Variants in FOXJ3 observed in about 807,000 individuals in gnomAD.
FOXJ3 encodes the protein forkhead box J3, also known as forkhead box protein J3.
Under a neutral mutation model 76.1 loss-of-function variants are expected in FOXJ3, and 22 were observed. The ratio of observed to expected loss-of-function variants is 0.29; its 90% CI spans 0.21 to 0.41. FOXJ3 has a LOEUF of 0.41. Ranked by LOEUF, FOXJ3 falls within the 10% of genes least tolerant of loss-of-function variation. The pLI, the probability that FOXJ3 is intolerant of heterozygous loss-of-function variation, is 1.00. For synonymous variants in FOXJ3, 269 were observed against 261.2 expected (o/e 1.03, Z -0.29); for missense variants, 613 against 762.1 (o/e 0.80, Z 2.30).
chr1:42,211,810 A>C (rs969803610), intron 5 of FOXJ3, among the ~76,000 whole-genome samples: 3 of 152,186 alleles, frequency 2.0e-5, no homozygotes, highest in Middle Eastern at 3.2e-3. Flanking sequence ...AAACTCATAT[A>C]GAGTTTTCAC....
chr1:42,309,789 A>C (rs933506012), intron 2 of FOXJ3, among the ~76,000 whole-genome samples: 3 of 152,172 alleles, frequency 2.0e-5, no homozygotes, highest in Non-Finnish European at 2.9e-5. Flanking sequence ...ATTATTTTTC[A>C]CTCTGGGAAC....
intron 4 of FOXJ3, among the ~76,000 whole-genome samples, chr1:42,229,048 A>G (rs920600630): frequency 5.9e-5 from 9 of 152,146 alleles, no homozygotes; most frequent in African/African-American, 2.2e-4. Flanking sequence ...TTTCTTGAAC[A>G]TACCATGTTG....
rs1378218341 is a variant in FOXJ3, at chr1:42,237,416, ATATATAT to A, written c.445-9457_445-9451del. On this transcript the variant is annotated intron_variant, in intron 4 of 12. Transcript: ENST00000361346. ...TACATACATACATACATATATATAT[ATATATAT>A]ATATACATACATACATATATATATA... Among the ~76,000 whole-genome samples, 12 of 146,834 alleles carry A rather than the reference ATATATAT, an allele frequency of 8.2e-5. No individual in the cohort carries two copies. In the East Asian group the frequency reaches 2.2e-3, roughly 26 times the overall value.
At chr1:42,326,167 C>A (rs541129211) in intron 1 of FOXJ3, among the ~76,000 whole-genome samples, 22 of 152,262 alleles carry the variant, frequency 1.4e-4, no homozygotes, top group African/African-American at 5.1e-4. Flanking sequence ...AGGAGAATCA[C>A]TTGAACCCAG....
chr1:42,271,922 GCATGAGC>G (rs1651894353), intron 3 of FOXJ3, among the ~76,000 whole-genome samples: 1 of 152,178 alleles, frequency 6.6e-6, no homozygotes, highest in African/African-American at 2.4e-5. Flanking sequence ...GGGATTATAG[GCATGAGC>G]CATGAGCCCC....
chr1:42,238,465 G>C (rs1648875506), intron 4 of FOXJ3, among the ~76,000 whole-genome samples: 1 of 152,180 alleles, frequency 6.6e-6, no homozygotes, highest in Non-Finnish European at 1.5e-5. Flanking sequence ...CCCAACTTCA[G>C]TTTTTTCCAA....
At chr1:42,186,848 T>C (rs1354263011) in intron 11 of FOXJ3, among the ~76,000 whole-genome samples, 1 of 151,764 alleles carries the variant, frequency 6.6e-6, no homozygotes, top group East Asian at 1.9e-4. Flanking sequence ...GAGATTGCCT[T>C]CTTCTTCTTC....
chr1:42,242,566 CAAA>C (rs67533279), intron 4 of FOXJ3, among the ~76,000 whole-genome samples: 73 of 139,726 alleles, frequency 5.2e-4, no homozygotes, highest in Non-Finnish European at 5.4e-4. Context: ...TCAATAAGAC[CAAA>C]AAAAAAAAAA....
At chr1:42,273,520 A>G (rs1402996438) in intron 3 of FOXJ3, among the ~76,000 whole-genome samples, 1 of 151,796 alleles carries the variant, frequency 6.6e-6, no homozygotes, top group Non-Finnish European at 1.5e-5. Context: ...CTAAAAATAC[A>G]AAAAAATAGC....
At chr1:42,303,810 T>A (rs182910676) in intron 2 of FOXJ3, among the ~76,000 whole-genome samples, 1 of 152,278 alleles carries the variant, frequency 6.6e-6, no homozygotes, top group Admixed American at 6.5e-5. Flanking sequence ...ATAAACCCTC[T>A]AATAAATGTT....
intron 3 of FOXJ3, among the ~76,000 whole-genome samples, chr1:42,271,225 G>T (rs951623857): frequency 6.6e-6 from 1 of 152,006 alleles, no homozygotes; most frequent in Non-Finnish European, 1.5e-5. Flanking sequence ...TTTTCTGTGT[G>T]ATCACATTAT....
intron 5 of FOXJ3, among the ~76,000 whole-genome samples, chr1:42,213,248 T>C (rs1647001995): frequency 6.6e-6 from 1 of 152,088 alleles, no homozygotes; most frequent in South Asian, 2.1e-4. Context: ...TGAATGTACA[T>C]GGTCTAAATG....
chr1:42,329,654 T>C (rs1656037692), intron 1 of FOXJ3, among the ~76,000 whole-genome samples: 1 of 152,214 alleles, frequency 6.6e-6, no homozygotes, highest in Admixed American at 6.5e-5. Flanking sequence ...AAGCCAACAG[T>C]GAAGATCAGT....
intron 5 of FOXJ3, among the ~76,000 whole-genome samples, chr1:42,222,426 A>G (rs2124430028): frequency 6.6e-6 from 1 of 152,248 alleles, no homozygotes; most frequent in African/African-American, 2.4e-5. Context: ...CAGAACTAGT[A>G]GTTATGCTGA....
intron 2 of FOXJ3, among the ~76,000 whole-genome samples, chr1:42,298,750 T>A (rs1653948268): frequency 6.6e-6 from 1 of 152,186 alleles, no homozygotes; most frequent in Non-Finnish European, 1.5e-5. Context: ...TAGCTTGAGA[T>A]CTTCCTATCT....
rs537470302 is a variant in FOXJ3, at chr1:42,197,319, A to G, written c.759+1783T>C. The stretch of plus-strand genomic sequence containing the variant: ...CAGGAGTTCGAGACCAGTTTGGCCC[A>G]CTTAGCAAGATCTTGTGTCTAAAAA... On this transcript the variant is annotated intron_variant, in intron 7 of 12. Coordinates refer to ENST00000361346, the MANE Select transcript of FOXJ3 (RefSeq NM_014947.5). Among the ~76,000 whole-genome samples, 4 of 152,128 alleles carry G rather than the reference A, an allele frequency of 2.6e-5. No homozygotes were observed. The East Asian group carries it at 7.7e-4, about 29-fold the overall frequency.
rs79994150 is a variant in FOXJ3 at position 42,256,481 on chromosome 1, T to C, written c.444+8634A>G. Among the ~76,000 whole-genome samples the C allele has an allele frequency of 7.2e-3, 1,089 of 152,280 alleles. 22 individuals are homozygous for C. The highest frequency in any genetic ancestry group is 0.025 in the African/African-American group (1,051 of 41,562). On this transcript the variant is annotated intron_variant, in intron 4 of 12. Transcript: ENST00000361346. The stretch of plus-strand genomic sequence containing the variant: ...AGGAAGCACATGAAAAGATGCTCAA[T>C]ATCAACAGCCATCAGGAAAATTCAA...
chr1:42,211,345 G>A (rs1485592271), intron 5 of FOXJ3, among the ~76,000 whole-genome samples: 1 of 152,160 alleles, frequency 6.6e-6, no homozygotes, highest in Admixed American at 6.5e-5. Context: ...CATTCCTGCA[G>A]ATGAAATGAG....
intron 5 of FOXJ3, among the ~76,000 whole-genome samples, chr1:42,216,828 T>C (rs532047611): frequency 6.6e-6 from 1 of 151,970 alleles, no homozygotes. Context: ...TACTAAAATA[T>C]ATCCAAAATA....
Sources: allele counts gnomAD v4.1 joint callset (sites outside exome capture counted in the v4.1 genomes callset), GRCh38; gene constraint gnomAD v4.1.1; transcripts MANE v1.5; gene names NCBI Gene and HGNC (gene_info 2026-07-23, HGNC 2026-07-21).